The following AVL9 variants were observed in gnomAD, a reference collection of about 807,000 sequenced individuals.
AVL9 encodes late secretory pathway protein AVL9 homolog.
A neutral mutation model predicts 79.2 loss-of-function variants in AVL9; 49 were observed. That is an observed-to-expected ratio of 0.62 (90% CI 0.49 to 0.79). AVL9 has a LOEUF of 0.79. AVL9 is among the 30% of genes least tolerant of loss of function. AVL9 has a pLI of 0.00. For synonymous variants in AVL9, 299 were observed against 280.6 expected, an observed-to-expected ratio of 1.07 and a Z score of -0.65; for missense variants, 682 against 776.8, an observed-to-expected ratio of 0.88 and a Z score of 1.45.
At chr7:32,506,102 A>G (rs1425986334) in intron 1 of AVL9, among the ~76,000 whole-genome samples, 1 of 152,186 alleles carries the variant, frequency 6.6e-6, no homozygotes, top group Non-Finnish European at 1.5e-5. Flanking sequence ...CTGTACATAC[A>G]TATGATAAAG....
chr7:32,551,868 A>T (rs1216366049), intron 5 of AVL9, among the ~76,000 whole-genome samples: 1 of 152,168 alleles, frequency 6.6e-6, no homozygotes, highest in Non-Finnish European at 1.5e-5. Flanking sequence ...AAGAATATGG[A>T]TCTCTCTTGG....
intron 1 of AVL9, among the ~76,000 whole-genome samples, chr7:32,507,173 T>C (rs2128115334): frequency 6.6e-6 from 1 of 152,270 alleles, no homozygotes; most frequent in East Asian, 1.9e-4. Flanking sequence ...TGTATATCCT[T>C]GTCCCTCCCA....
intron 3 of AVL9, among the ~76,000 whole-genome samples, chr7:32,548,488 A>G (rs1309162486): frequency 6.6e-6 from 1 of 152,148 alleles, no homozygotes; most frequent in East Asian, 1.9e-4. Flanking sequence ...ACCAGAAACA[A>G]TGGTCTCTGA....
At chr7:32,525,016 A>G (rs987645487) in intron 1 of AVL9, among the ~76,000 whole-genome samples, 3 of 152,146 alleles carry the variant, frequency 2.0e-5, no homozygotes. Context: ...TTACCCTAGG[A>G]CTGTTTCTAA....
rs547461889 is a variant in AVL9 at position 32,586,552 on chromosome 7, G to C, written c.*2645G>C. The C allele has an allele frequency of 6.6e-6, 1 of 151,466 alleles. No individual in the cohort carries two copies. Among genetic ancestry groups the C allele is most frequent in the East Asian group, 1.9e-4 (1 of 5,146 alleles). The allele number at this position is 151,466 out of a possible 1,614,324, so 9.4% of individuals were successfully genotyped here. A position where few individuals can be genotyped will look rare whatever the true frequency, so the allele number is the denominator to read the frequency against. The stretch of plus-strand genomic sequence containing the variant: ...AGCAGCAGCCTCTCTCCAAACCCTG[G>C]CTCTGTGAGCCATAGGAACCAGCAC... On this transcript the variant is annotated 3_prime_UTR_variant, in exon 16 of 16. Transcript: ENST00000318709.
chr7:32,576,557 G>T (rs1791109563), intron 13 of AVL9, among the ~76,000 whole-genome samples: 1 of 152,148 alleles, frequency 6.6e-6, no homozygotes, highest in Admixed American at 6.5e-5. Flanking sequence ...GCCGAGGTGG[G>T]CAGATCACCT....
chr7:32,522,329 G>A (rs1248071102), intron 1 of AVL9, among the ~76,000 whole-genome samples: 1 of 152,154 alleles, frequency 6.6e-6, no homozygotes, highest in Non-Finnish European at 1.5e-5. Context: ...AAGCCACAGG[G>A]GCAGAGCTAC....
At chr7:32,570,911 G>A (rs1296519239) in intron 11 of AVL9, among the ~76,000 whole-genome samples, 12 of 142,096 alleles carry the variant, frequency 8.4e-5, no homozygotes, top group African/African-American at 2.6e-4. Flanking sequence ...GTAAGCCACC[G>A]CGCCCAGCCT....
At chr7:32,552,874 A>G (rs2128138973) in intron 6 of AVL9, among the ~76,000 whole-genome samples, 1 of 152,256 alleles carries the variant, frequency 6.6e-6, no homozygotes. Context: ...ATCATAACAG[A>G]TGAAGCAAGA....
intron 10 of AVL9, among the ~76,000 whole-genome samples, chr7:32,567,301 C>G (rs1339376557): frequency 6.6e-6 from 1 of 152,118 alleles, no homozygotes; most frequent in Admixed American, 6.6e-5. Context: ...GGAGTTTCAC[C>G]GTGTTGCTCA....
intron 1 of AVL9, among the ~76,000 whole-genome samples, chr7:32,526,593 G>A (rs976095438): frequency 2.0e-5 from 3 of 152,148 alleles, no homozygotes; most frequent in Admixed American, 2.0e-4. Flanking sequence ...CTTCCCCTAA[G>A]CCCAATGCTA....
chr7:32,512,453 A>C (rs1262899701), intron 1 of AVL9, among the ~76,000 whole-genome samples: 2 of 152,226 alleles, frequency 1.3e-5, no homozygotes, highest in Non-Finnish European at 2.9e-5. Context: ...CAGTAGGCAC[A>C]AAGCAGGTGG....
intron 8 of AVL9, 114 bp downstream of exon 8, chr7:32,554,710 A>G (rs1789984034): frequency 6.2e-6 from 4 of 641,996 alleles, no homozygotes; most frequent in Non-Finnish European, 9.6e-6. Flanking sequence ...CTTTTTGCCT[A>G]TCATTGTGGT....
intron 1 of AVL9, among the ~76,000 whole-genome samples, chr7:32,496,678 T>C (rs1387059623): frequency 6.6e-6 from 1 of 152,200 alleles, no homozygotes; most frequent in East Asian, 1.9e-4. Context: ...AAAATAGTAA[T>C]TGCCACCACT....
chr7:32,580,725 CTATA>C (rs2128157023), intron 14 of AVL9, 73 bp from the exon 15 acceptor site: 2 of 818,890 alleles, frequency 2.4e-6, no homozygotes, highest in African/African-American at 3.4e-5. Context: ...GTGTGTGTGT[CTATA>C]TGTGTCTGTG....
chr7:32,506,792 T>C (rs1471996161), intron 1 of AVL9, among the ~76,000 whole-genome samples: 1 of 151,582 alleles, frequency 6.6e-6, no homozygotes, highest in Non-Finnish European at 1.5e-5. Flanking sequence ...GGGACTATTG[T>C]AATGAAGAAA....
chr7:32,549,636 CG>C (rs1476377001), intron 4 of AVL9, among the ~76,000 whole-genome samples: 1 of 150,206 alleles, frequency 6.7e-6, no homozygotes, highest in Admixed American at 6.7e-5. Context: ...TGGCTGTGGC[CG>C]GGCATGGTGG....
At chr7:32,553,889 C>CA (rs1213869197) in intron 7 of AVL9, 122 bp downstream of exon 7, 1 of 633,936 alleles carries the variant, frequency 1.6e-6, no homozygotes, top group Non-Finnish European at 2.8e-6. Context: ...TGTGGCATAC[C>CA]ATGCTTTAGT....
intron 1 of AVL9, among the ~76,000 whole-genome samples, chr7:32,523,211 G>A (rs1297288756): frequency 3.3e-5 from 5 of 149,696 alleles, no homozygotes; most frequent in Non-Finnish European, 7.4e-5. Context: ...GCCCCAGAAG[G>A]ATGATAGAAA....
Sources: allele counts gnomAD v4.1 joint callset (sites outside exome capture counted in the v4.1 genomes callset), GRCh38; gene constraint gnomAD v4.1.1; transcripts MANE v1.5; gene names NCBI Gene and HGNC (gene_info 2026-07-23, HGNC 2026-07-21).